Variants in ART3 observed in about 807,000 individuals in gnomAD.
The protein encoded by ART3 is ecto-ADP-ribosyltransferase 3.
In ART3, 49 loss-of-function variants were observed where a neutral mutation model predicts 48.5. The observed-to-expected ratio is 1.01, with a 90% CI of 0.80 to 1.28. ART3 has a LOEUF of 1.28. ART3 is among the 50% of genes most tolerant of loss of function. The pLI is 0.00. For missense variants in ART3, 438 were observed against 454.3 expected, an observed-to-expected ratio of 0.96 and a Z score of 0.33; for synonymous variants, 145 against 157.2, an observed-to-expected ratio of 0.92 and a Z score of 0.58.
chr4:76,038,235 C>G (rs4129781), intron 1 of ART3, among the ~76,000 whole-genome samples: 93,030 of 152,106 alleles, frequency 0.61, 29,525 homozygotes, highest in East Asian at 0.94. Flanking sequence ...AGTCACTTAA[C>G]TTTTATTACA....
At position 76,028,107 on chromosome 4, in the gene ART3, G is replaced by C. The variant is rs144235332; in HGVS notation, c.-10+16787G>C. Among the ~76,000 whole-genome samples, 30 of 152,210 alleles carry C rather than the reference G, an allele frequency of 2.0e-4. No individual in the cohort carries two copies. The East Asian group carries it at 4.1e-3, about 21-fold the overall frequency. On this transcript the variant is annotated intron_variant, in intron 1 of 9. Coordinates refer to the ART3 transcript ENST00000341029. ...TCAAACGAAGGACCCTTCTCTTCTT[G>C]TTTTAAATGAGGGTTCTGCTCAGGG...
intron 5 of ART3, 55 bp downstream of exon 5, chr4:76,099,042 C>T: frequency 6.6e-7 from 1 of 1,521,390 alleles, no homozygotes; most frequent in Non-Finnish European, 9.1e-7. Flanking sequence ...TGGCTCACGC[C>T]TGTAATCCCA....
At chr4:76,093,302 C>T (rs1011691146) in intron 3 of ART3, among the ~76,000 whole-genome samples, 1 of 152,134 alleles carries the variant, frequency 6.6e-6, no homozygotes, top group Non-Finnish European at 1.5e-5. Context: ...TGGCATGCAT[C>T]TGTAGTTCCA....
chr4:76,031,238 C>A (rs1733846075), intron 1 of ART3, among the ~76,000 whole-genome samples: 1 of 151,890 alleles, frequency 6.6e-6, no homozygotes, highest in Non-Finnish European at 1.5e-5. Flanking sequence ...ATTTTATTTC[C>A]ATGGCATGTA....
chr4:76,082,318 A>C lies in ART3; in HGVS notation c.564A>C (p.Ser188=), dbSNP rs1350409925. 9.3e-6 allele frequency: 15 copies of C among 1,614,234 alleles called. No homozygotes were observed. The highest frequency in any genetic ancestry group is 1.1e-5 in the Non-Finnish European group (13 of 1,180,048). The change falls in exon 3 of 12, where the codon TCA becomes TCC. Residue 188 remains serine, a synonymous_variant. Transcript: ENST00000355810. ...TTGGCCATTTTACCTTGGCATATTC[A>C]GCCAAACCTCAGGCTGCTAATGACC... ...ARFGHFTLAY[S]AKPQAANDQL...
intron 1 of ART3, among the ~76,000 whole-genome samples, chr4:76,019,690 G>A (rs1248039220): frequency 4.7e-5 from 7 of 150,260 alleles, no homozygotes; most frequent in Admixed American, 1.3e-4. Context: ...TCCTGACCTC[G>A]TGATCCACCC....
At chr4:76,046,632 A>T (rs1377519105) in intron 1 of ART3, among the ~76,000 whole-genome samples, 1 of 151,978 alleles carries the variant, frequency 6.6e-6, no homozygotes, top group African/African-American at 2.4e-5. Context: ...TCCAATGCCC[A>T]GACTTCAGGG....
intron 11 of ART3, among the ~76,000 whole-genome samples, chr4:76,111,742 G>A (rs145658042): frequency 0.016 from 2,381 of 152,102 alleles, 67 homozygotes; most frequent in African/African-American, 0.055. Context: ...GGGTTTTGCC[G>A]TGTTAGCCAG....
At chr4:76,061,352 C>T (rs940795541) in intron 1 of ART3, among the ~76,000 whole-genome samples, 5 of 152,130 alleles carry the variant, frequency 3.3e-5, no homozygotes, top group African/African-American at 1.2e-4. Flanking sequence ...TCTACACATC[C>T]CTATGCTATA....
At chr4:76,042,042 A>C (rs1036959920) in intron 1 of ART3, among the ~76,000 whole-genome samples, 3 of 152,316 alleles carry the variant, frequency 2.0e-5, no homozygotes, top group East Asian at 1.9e-4. Flanking sequence ...CCACTTAAAT[A>C]AGTTTTGCTT....
chr4:76,079,235 G>T (rs1015565000), intron 2 of ART3, among the ~76,000 whole-genome samples: 1 of 149,578 alleles, frequency 6.7e-6, no homozygotes, highest in Non-Finnish European at 1.5e-5. Context: ...CAAGGTTGCC[G>T]AACACTTAGT....
rs539399248 is a variant in ART3 at position 76,088,539 on chromosome 4, G to A, written c.781+6004G>A. Among the ~76,000 whole-genome samples the A allele has an allele frequency of 9.2e-5, 14 of 152,190 alleles. No homozygotes were observed. The South Asian group carries it at 2.9e-3, about 32-fold the overall frequency. ...CCTACAGGACTATCCAGATTTATTT[G>A]TTATAAATCTACCCCAGCCCTTGTG... On this transcript the variant is annotated intron_variant, in intron 3 of 11. Transcript: ENST00000355810.
chr4:76,100,429 G>A (rs1362428466), intron 6 of ART3, 109 bp downstream of exon 6: 7 of 1,114,816 alleles, frequency 6.3e-6, no homozygotes, highest in Non-Finnish European at 9.2e-6. Context: ...TCAGGAGATT[G>A]AGACCATCCT....
intron 1 of ART3, among the ~76,000 whole-genome samples, chr4:76,039,906 T>C (rs1734780883): frequency 6.6e-6 from 1 of 152,242 alleles, no homozygotes; most frequent in Non-Finnish European, 1.5e-5. Flanking sequence ...GATCACAATT[T>C]TCTCCTTCAG....
At chr4:76,062,845 C>T (rs1002379620) in intron 1 of ART3, among the ~76,000 whole-genome samples, 13 of 152,110 alleles carry the variant, frequency 8.5e-5, no homozygotes, top group African/African-American at 2.4e-4. Flanking sequence ...CAAGTGTGAG[C>T]CACCGAGCCC....
chr4:76,088,313 G>A (rs924450991), intron 3 of ART3, among the ~76,000 whole-genome samples: 3 of 151,678 alleles, frequency 2.0e-5, no homozygotes, highest in African/African-American at 7.3e-5. Flanking sequence ...TGTTTCCATA[G>A]AGAGAGGCGT....
chr4:76,084,138 A>G (rs541013315), intron 3 of ART3, among the ~76,000 whole-genome samples: 40 of 152,264 alleles, frequency 2.6e-4, no homozygotes, highest in African/African-American at 9.6e-4. Flanking sequence ...TTTCCCCTGG[A>G]TAATTCCCTC....
chr4:76,051,530 C>A (rs1407002409), intron 1 of ART3, among the ~76,000 whole-genome samples: 1 of 152,070 alleles, frequency 6.6e-6, no homozygotes, highest in Non-Finnish European at 1.5e-5. Flanking sequence ...GAAAAGAGTT[C>A]CAAAGTGATG....
intron 1 of ART3, among the ~76,000 whole-genome samples, chr4:76,030,323 T>C (rs1733763519): frequency 6.6e-6 from 1 of 152,218 alleles, no homozygotes; most frequent in Non-Finnish European, 1.5e-5. Context: ...CCCAAAGTGC[T>C]GGGATTACAG....
Sources: gnomAD v4.1 joint callset for allele counts (sites outside exome capture counted in the v4.1 genomes callset) on GRCh38, gnomAD v4.1.1 for gene constraint, MANE v1.5 for transcripts, NCBI Gene and HGNC (gene_info 2026-07-23, HGNC 2026-07-21) for gene names.